Variants in SMYD3 observed in about 807,000 individuals in gnomAD.
The protein encoded by SMYD3 is SET and MYND domain containing 3.
SMYD3 carries 36 observed loss-of-function variants against 57.7 expected under a neutral mutation model. That is an observed-to-expected ratio of 0.62 (90% CI 0.48 to 0.82). SMYD3 has a LOEUF of 0.82. SMYD3 is among the 40% of genes least tolerant of loss of function. SMYD3 has a pLI of 0.00. For missense variants in SMYD3, 515 were observed against 538.8 expected (o/e 0.96, Z 0.44); for synonymous variants, 211 against 195.0 (o/e 1.08, Z -0.68).
At chr1:246,384,547 C>T (rs1243993803) in intron 1 of SMYD3, among the ~76,000 whole-genome samples, 2 of 152,032 alleles carry the variant, frequency 1.3e-5, no homozygotes, top group African/African-American at 4.8e-5. Context: ...AGGTGCCCGC[C>T]ACCACGCCCG....
intron 5 of SMYD3, among the ~76,000 whole-genome samples, chr1:246,240,326 A>G (rs2063586466): frequency 6.6e-6 from 1 of 152,238 alleles, no homozygotes; most frequent in Non-Finnish European, 1.5e-5. Flanking sequence ...CACTTTTGCC[A>G]GCAACATTTA....
intron 5 of SMYD3, among the ~76,000 whole-genome samples, chr1:245,943,588 T>C (rs2057331694): frequency 6.6e-6 from 1 of 152,158 alleles, no homozygotes; most frequent in Non-Finnish European, 1.5e-5. Flanking sequence ...TCTGAAACTA[T>C]TCCAAACAAT....
At chr1:245,884,408 G>A (rs962913637) in intron 8 of SMYD3, among the ~76,000 whole-genome samples, 1 of 152,192 alleles carries the variant, frequency 6.6e-6, no homozygotes, top group Non-Finnish European at 1.5e-5. Context: ...AGGAACCGGA[G>A]TGGTCCTTCC....
chr1:246,091,673 G>A (rs1262574686), intron 5 of SMYD3, among the ~76,000 whole-genome samples: 1 of 152,144 alleles, frequency 6.6e-6, no homozygotes, highest in Non-Finnish European at 1.5e-5. Flanking sequence ...TTTAGACAAT[G>A]TCTGTGTATG....
At chr1:246,502,141 T>TTG (rs1406716541) in intron 1 of SMYD3, among the ~76,000 whole-genome samples, 2 of 151,358 alleles carry the variant, frequency 1.3e-5, no homozygotes, top group Non-Finnish European at 2.9e-5. Flanking sequence ...CTGCCTTTTT[T>TTG]TTTTTCTTTT....
intron 5 of SMYD3, among the ~76,000 whole-genome samples, chr1:245,931,440 A>G (rs2056711796): frequency 6.6e-6 from 1 of 152,220 alleles, no homozygotes; most frequent in Non-Finnish European, 1.5e-5. Context: ...CATAGCTACC[A>G]TTTATTAAGA....
rs572301666 is a variant in SMYD3 at position 246,090,972 on chromosome 1, A to C, written c.532-161035T>G. 3.9e-5 allele frequency among the ~76,000 whole-genome samples: 6 copies of C among 152,314 alleles called. No individual in the cohort carries two copies. In the South Asian group the frequency reaches 1.2e-3, roughly 32 times the overall value. ...AACCTCGTCGGGGAAACCAAGGTACAGCAGTCACCGAAATGGTGAGCAGAG... is the reference window on the plus strand; with the variant it reads ...AACCTCGTCGGGGAAACCAAGGTACCGCAGTCACCGAAATGGTGAGCAGAG... On this transcript the variant is annotated intron_variant, in intron 5 of 11. Transcript: ENST00000490107.
At position 245,863,780 on chromosome 1, in the gene SMYD3, T is replaced by C. The variant is rs2051681418; in HGVS notation, c.901+19A>G. On this transcript the variant is annotated intron_variant, in intron 9 of 11. Coordinates refer to ENST00000490107, the MANE Select transcript of SMYD3 (RefSeq NM_001167740.2). ...AAACAATCCCAACAGTCCACCTCAATCCACAGGCGAAAGGATACTCCAGTG... is the reference window on the plus strand; with the variant it reads ...AAACAATCCCAACAGTCCACCTCAACCCACAGGCGAAAGGATACTCCAGTG... 6.2e-7 allele frequency: 1 copy of C among 1,609,332 alleles called. No homozygotes were observed.
intron 5 of SMYD3, among the ~76,000 whole-genome samples, chr1:246,243,031 T>C (rs1477453951): frequency 6.6e-6 from 1 of 152,096 alleles, no homozygotes; most frequent in Admixed American, 6.5e-5. Flanking sequence ...ACTGTCAACA[T>C]TAGACAGATC....
intron 5 of SMYD3, among the ~76,000 whole-genome samples, chr1:246,086,562 TTTTTA>T (rs1429371687): frequency 6.6e-6 from 1 of 151,944 alleles, no homozygotes; most frequent in East Asian, 1.9e-4. Context: ...ATGCTTTTTA[TTTTTA>T]TTTTTAGATT....
At chr1:246,089,255 A>G (rs368722171) in intron 5 of SMYD3, among the ~76,000 whole-genome samples, 1 of 152,176 alleles carries the variant, frequency 6.6e-6, no homozygotes, top group African/African-American at 2.4e-5. Context: ...CTGGGATTAC[A>G]TGTGTGAGCC....
rs1195380100 is a variant in SMYD3, at chr1:246,134,872, T to C, written c.531+192329A>G. Among the ~76,000 whole-genome samples, 15 of 151,512 alleles carry C rather than the reference T, an allele frequency of 9.9e-5. 1 individual carries two copies. The highest frequency in any genetic ancestry group is 9.9e-4 in the Admixed American group (15 of 15,174). On this transcript the variant is annotated intron_variant, in intron 5 of 11. Transcript: ENST00000490107. Reference sequence around the variant, plus strand: ...CTAAATAATATCTATTTTTAAAGTGTGCTTGTTTGCATATCACACCAAACT... The same window carrying C: ...CTAAATAATATCTATTTTTAAAGTGCGCTTGTTTGCATATCACACCAAACT...
intron 1 of SMYD3, among the ~76,000 whole-genome samples, chr1:246,403,764 G>A (rs1321309689): frequency 2.0e-5 from 3 of 152,156 alleles, no homozygotes; most frequent in African/African-American, 7.2e-5. Flanking sequence ...CATACATGCT[G>A]AAAATGTAAT....
At chr1:245,793,368 C>T (rs2047385032) in intron 10 of SMYD3, among the ~76,000 whole-genome samples, 1 of 152,038 alleles carries the variant, frequency 6.6e-6, no homozygotes, top group African/African-American at 2.4e-5. Flanking sequence ...TGCATGTTTT[C>T]CCGCTGGCAG....
chr1:246,137,717 A>C (rs2061684812), intron 5 of SMYD3, among the ~76,000 whole-genome samples: 1 of 152,210 alleles, frequency 6.6e-6, no homozygotes, highest in Non-Finnish European at 1.5e-5. Flanking sequence ...CTACAGAGTG[A>C]AACAAGTTCT....
intron 5 of SMYD3, among the ~76,000 whole-genome samples, chr1:246,045,594 C>G (rs1572938311): frequency 6.6e-6 from 1 of 152,118 alleles, no homozygotes; most frequent in East Asian, 1.9e-4. Context: ...GTCTAAAACA[C>G]CAAAAGCAAT....
chr1:246,438,421 G>A (rs1231119385), intron 1 of SMYD3, among the ~76,000 whole-genome samples: 5 of 152,104 alleles, frequency 3.3e-5, no homozygotes, highest in Admixed American at 2.6e-4. Context: ...TAAGAGACAA[G>A]TGGAGTAAGA....
In SMYD3 at chr1:246,028,875, A is replaced by C. The variant is rs1039872175; in HGVS notation, c.532-98938T>G. ...ACCAAAACCATATGGTACTGGTATA[A>C]AAACAAACACACAAACCATTAGCAT... On this transcript the variant is annotated intron_variant, in intron 5 of 11. Coordinates refer to ENST00000490107, the MANE Select transcript of SMYD3 (RefSeq NM_001167740.2). Among the ~76,000 whole-genome samples, 20 of 152,240 alleles carry C rather than the reference A, an allele frequency of 1.3e-4. 1 individual carries two copies. Among genetic ancestry groups the C allele is most frequent in the Non-Finnish European group, 2.9e-4 (20 of 68,040 alleles).
chr1:245,876,043 G>C (rs966534175), intron 8 of SMYD3, among the ~76,000 whole-genome samples: 2 of 152,174 alleles, frequency 1.3e-5, no homozygotes, highest in African/African-American at 2.4e-5. Context: ...ATATGTATCA[G>C]AGGCTTTAAT....
Sources: allele counts gnomAD v4.1 joint callset (sites outside exome capture counted in the v4.1 genomes callset), GRCh38; gene constraint gnomAD v4.1.1; transcripts MANE v1.5; gene names NCBI Gene and HGNC (gene_info 2026-07-23, HGNC 2026-07-21).